CPM: variants seen among roughly 807,000 people sequenced by gnomAD.
CPM encodes carboxypeptidase M, also known as renal carboxypeptidase.
In CPM, 35 loss-of-function variants were observed where a neutral mutation model predicts 46.4. That is an observed-to-expected ratio of 0.75 (90% CI 0.58 to 1.00). The LOEUF (loss-of-function observed/expected upper bound fraction) is 1.00. Ranked by LOEUF, CPM falls within the 50% of genes least tolerant of loss-of-function variation. The pLI is 0.00. For synonymous variants in CPM, 195 were observed against 195.3 expected, an observed-to-expected ratio of 1.00 and a Z score of 0.01; for missense variants, 422 against 530.4, an observed-to-expected ratio of 0.80 and a Z score of 2.01.
chr12:68,868,659 G>A (rs553716366), intron 6 of CPM, among the ~76,000 whole-genome samples: 2 of 152,082 alleles, frequency 1.3e-5, no homozygotes, highest in South Asian at 4.2e-4. Context: ...TCCCTTACCC[G>A]GCTGTCTTAT....
chr12:68,859,550 G>C (rs1885120598), intron 7 of CPM, among the ~76,000 whole-genome samples: 1 of 152,234 alleles, frequency 6.6e-6, no homozygotes. Flanking sequence ...CTTCTTGGAA[G>C]CATGGAATCG....
At chr12:68,944,707 CTTGTTTT>C (rs1349005024) in intron 1 of CPM, among the ~76,000 whole-genome samples, 1 of 129,380 alleles carries the variant, frequency 7.7e-6, no homozygotes. Context: ...GCTCCTTCAC[CTTGTTTT>C]TTGTTTTTTT....
intron 3 of CPM, among the ~76,000 whole-genome samples, chr12:68,872,919 G>A (rs1885774405): frequency 6.6e-6 from 1 of 152,060 alleles, no homozygotes; most frequent in African/African-American, 2.4e-5. Context: ...GTATCAATAA[G>A]GCTTGGGAAA....
chr12:68,920,950 C>CCTTG (rs1256674162), intron 2 of CPM, among the ~76,000 whole-genome samples: 2 of 151,594 alleles, frequency 1.3e-5, no homozygotes, highest in Non-Finnish European at 2.9e-5. Flanking sequence ...AATCGGCCTG[C>CCTTG]CTTGGCCTTC....
Position 68,854,365 on chromosome 12 carries a change from T to C in CPM, c.*2072A>G, listed in dbSNP as rs1884864644. ...TTTTTCAAACAAATTAAATAGACCT[T>C]GGCCTCAAAGAGCTCACATTCTACT... On this transcript the variant is annotated 3_prime_UTR_variant, in exon 9 of 9. Coordinates refer to ENST00000551568, the MANE Select transcript of CPM (RefSeq NM_198320.5). 1 of 152,200 alleles carries C rather than the reference T, an allele frequency of 6.6e-6. No homozygotes were observed. The highest frequency in any genetic ancestry group is 2.4e-5 in the African/African-American group (1 of 41,448). 9.4% of individuals were successfully genotyped at this position (152,200 alleles called of 1,614,324 possible).
At chr12:68,962,210 A>AACAAAAC (rs1555203341) in intron 1 of CPM, among the ~76,000 whole-genome samples, 3 of 146,006 alleles carry the variant, frequency 2.1e-5, no homozygotes, top group African/African-American at 8.0e-5. Flanking sequence ...AAAAAAAAAA[A>AACAAAAC]AAAAAAAACC....
intron 2 of CPM, among the ~76,000 whole-genome samples, chr12:68,916,408 G>C (rs1887805267): frequency 6.6e-6 from 1 of 152,150 alleles, no homozygotes; most frequent in Admixed American, 6.5e-5. Flanking sequence ...TCACTTGAAG[G>C]TTTAAATGAA....
chr12:68,909,910 A>C (rs1303820122), intron 2 of CPM, among the ~76,000 whole-genome samples: 2 of 151,878 alleles, frequency 1.3e-5, no homozygotes, highest in South Asian at 2.1e-4. Context: ...GGGTGCAGCA[A>C]ACCACCATGG....
chr12:68,896,404 C>T (rs1318856039), intron 2 of CPM, among the ~76,000 whole-genome samples: 1 of 152,152 alleles, frequency 6.6e-6, no homozygotes, highest in Non-Finnish European at 1.5e-5. Context: ...TATCTCTGTG[C>T]TTGCAAAATC....
intron 7 of CPM, among the ~76,000 whole-genome samples, chr12:68,859,799 C>T (rs1281108111): frequency 6.6e-6 from 1 of 152,158 alleles, no homozygotes; most frequent in Non-Finnish European, 1.5e-5. Flanking sequence ...TCTCGACAGC[C>T]CCTCTCAAAA....
chr12:68,930,902 G>C (rs569780248), intron 2 of CPM, among the ~76,000 whole-genome samples: 10 of 152,190 alleles, frequency 6.6e-5, no homozygotes, highest in Admixed American at 6.5e-4. Flanking sequence ...TCTTGTGGTT[G>C]AAATGATGAC....
chr12:68,880,260 TA>T (rs961338343), intron 3 of CPM, among the ~76,000 whole-genome samples: 12 of 152,110 alleles, frequency 7.9e-5, no homozygotes, highest in African/African-American at 2.9e-4. Context: ...CTAGTCTTAT[TA>T]AAATGAGAAA....
chr12:68,901,295 C>T (rs928934961), intron 2 of CPM, among the ~76,000 whole-genome samples: 16 of 152,138 alleles, frequency 1.1e-4, no homozygotes, highest in African/African-American at 3.1e-4. Context: ...CCCCATGCAC[C>T]GGCTCCTGCG....
At chr12:68,887,756 G>A (rs2136256025) in intron 2 of CPM, among the ~76,000 whole-genome samples, 1 of 152,292 alleles carries the variant, frequency 6.6e-6, no homozygotes, top group South Asian at 2.1e-4. Context: ...TGATAGATGT[G>A]TGTGTAGTGT....
chr12:68,935,980 A>G (rs1370804674), upstream of CPM, among the ~76,000 whole-genome samples: 2 of 152,142 alleles, frequency 1.3e-5, no homozygotes, highest in African/African-American at 4.8e-5. Context: ...TTCTGGAAAA[A>G]CAGAGATGAG....
At chr12:68,891,226 A>G (rs1886642679) in intron 2 of CPM, among the ~76,000 whole-genome samples, 1 of 152,254 alleles carries the variant, frequency 6.6e-6, no homozygotes. Flanking sequence ...AGTTTATCAC[A>G]TATGGCACGC....
chr12:68,862,290 A>G (rs1252273834), intron 7 of CPM, among the ~76,000 whole-genome samples: 2 of 139,264 alleles, frequency 1.4e-5, no homozygotes, highest in African/African-American at 5.6e-5. Context: ...GCTGGAGTGC[A>G]GTGGCACCAG....
chr12:68,899,847 T>C (rs920505385), intron 2 of CPM, among the ~76,000 whole-genome samples: 1 of 152,214 alleles, frequency 6.6e-6, no homozygotes, highest in East Asian at 1.9e-4. Context: ...AAGTCATGCT[T>C]AGGAGATGCA....
chr12:68,925,800 C>A (rs1888233375), intron 2 of CPM, among the ~76,000 whole-genome samples: 1 of 152,118 alleles, frequency 6.6e-6, no homozygotes, highest in African/African-American at 2.4e-5. Flanking sequence ...ACAAATTGCA[C>A]TCTATAGCAG....
Sources: allele counts gnomAD v4.1 joint callset (sites outside exome capture counted in the v4.1 genomes callset), GRCh38; gene constraint gnomAD v4.1.1; transcripts MANE v1.5; gene names NCBI Gene and HGNC (gene_info 2026-07-23, HGNC 2026-07-21).